HCN1: variants seen among roughly 807,000 people sequenced by gnomAD.
HCN1 encodes the protein potassium/sodium hyperpolarization-activated cyclic nucleotide-gated channel 1.
HCN1 carries 13 observed loss-of-function variants against 78.9 expected under a neutral mutation model. That is an observed-to-expected ratio of 0.16 (90% CI 0.11 to 0.26). HCN1 has a LOEUF of 0.26. Among genes scored for constraint, HCN1 ranks in the 10% least tolerant of loss-of-function variants. The pLI is 1.00. For missense variants in HCN1, 810 were observed against 1,154.3 expected (o/e 0.70, Z 4.32); for synonymous variants, 552 against 455.5 (o/e 1.21, Z -2.70).
intron 5 of HCN1, among the ~76,000 whole-genome samples, chr5:45,304,505 G>A (rs1745689855): frequency 6.6e-6 from 1 of 152,052 alleles, no homozygotes; most frequent in Non-Finnish European, 1.5e-5. Context: ...GTGAAACCCT[G>A]TCTCTACTAA....
intron 4 of HCN1, among the ~76,000 whole-genome samples, chr5:45,390,835 T>G (rs1292694069): frequency 6.6e-6 from 1 of 152,084 alleles, no homozygotes; most frequent in Non-Finnish European, 1.5e-5. Context: ...ATATAAAAAT[T>G]ATTTGCCCCA....
At chr5:45,453,636 C>A (rs1255686997) in intron 3 of HCN1, among the ~76,000 whole-genome samples, 1 of 151,960 alleles carries the variant, frequency 6.6e-6, no homozygotes, top group Non-Finnish European at 1.5e-5. Context: ...ATCCTTAATC[C>A]AAGGGGAAAT....
intron 2 of HCN1, among the ~76,000 whole-genome samples, chr5:45,527,722 A>T (rs928496344): frequency 6.6e-6 from 1 of 151,704 alleles, no homozygotes; most frequent in African/African-American, 2.4e-5. Context: ...TCACATTTTA[A>T]ACGTCTCTTT....
At chr5:45,462,091 G>A in intron 2 of HCN1, 84 bp from the exon 3 acceptor site, 1 of 1,007,944 alleles carries the variant, frequency 9.9e-7, no homozygotes, top group Non-Finnish European at 1.5e-6. Context: ...CATTGATGTT[G>A]TGTAGCGTAA....
At chr5:45,503,002 G>T (rs191062275) in intron 2 of HCN1, among the ~76,000 whole-genome samples, 357 of 152,232 alleles carry the variant, frequency 2.3e-3, no homozygotes, top group African/African-American at 8.1e-3. Context: ...CAACACAATA[G>T]TTAAAGTGAA....
chr5:45,278,107 T>A (rs187441599), intron 6 of HCN1, among the ~76,000 whole-genome samples: 2 of 152,258 alleles, frequency 1.3e-5, no homozygotes, highest in South Asian at 2.1e-4. Context: ...TGATCTTTAC[T>A]TTGTGTCATC....
chr5:45,358,110 T>G (rs759776665), intron 4 of HCN1, among the ~76,000 whole-genome samples: 2 of 152,086 alleles, frequency 1.3e-5, no homozygotes, highest in Non-Finnish European at 2.9e-5. Flanking sequence ...ATAACCTTTC[T>G]TCTTTATTAA....
chr5:45,396,354 G>T (rs188033520), intron 4 of HCN1, 138 bp downstream of exon 4: 219 of 732,022 alleles, frequency 3.0e-4, no homozygotes, highest in Non-Finnish European at 4.2e-4. Flanking sequence ...TATCAAAGAA[G>T]ATAGTGTGTT....
intron 2 of HCN1, among the ~76,000 whole-genome samples, chr5:45,565,435 T>A (rs1032588712): frequency 6.6e-6 from 1 of 152,172 alleles, no homozygotes. Context: ...CATTAAACAA[T>A]ATTTTAATGG....
chr5:45,537,258 TA>T (rs970771726), intron 2 of HCN1, among the ~76,000 whole-genome samples: 6 of 151,888 alleles, frequency 4.0e-5, no homozygotes, highest in Non-Finnish European at 8.8e-5. Context: ...CCTCAATTTT[TA>T]AAAAAAATAT....
At chr5:45,567,267 C>G (rs1743726932) in intron 2 of HCN1, among the ~76,000 whole-genome samples, 1 of 151,498 alleles carries the variant, frequency 6.6e-6, no homozygotes, top group African/African-American at 2.4e-5. Context: ...TATTTGACAC[C>G]TACCGTGTGC....
chr5:45,321,415 G>C (rs559822400), intron 5 of HCN1, among the ~76,000 whole-genome samples: 1 of 151,250 alleles, frequency 6.6e-6, no homozygotes, highest in South Asian at 2.1e-4. Flanking sequence ...TACAGAGCTA[G>C]AATATGTGTA....
intron 1 of HCN1, among the ~76,000 whole-genome samples, chr5:45,678,264 C>T (rs1004487967): frequency 1.3e-5 from 2 of 151,864 alleles, no homozygotes; most frequent in African/African-American, 2.4e-5. Context: ...TACAACGGTA[C>T]CATAGTTAAT....
chr5:45,417,444 C>T (rs1449078102), intron 3 of HCN1, among the ~76,000 whole-genome samples: 1 of 151,730 alleles, frequency 6.6e-6, no homozygotes, highest in Non-Finnish European at 1.5e-5. Flanking sequence ...TAGTATTTGA[C>T]CTTTAAATGC....
At chr5:45,468,112 A>C (rs1052470761) in intron 2 of HCN1, among the ~76,000 whole-genome samples, 4 of 152,160 alleles carry the variant, frequency 2.6e-5, no homozygotes, top group Non-Finnish European at 5.9e-5. Flanking sequence ...ATATATGAGG[A>C]AAATGTGAAG....
chr5:45,533,865 C>A (rs540353379), intron 2 of HCN1, among the ~76,000 whole-genome samples: 101 of 152,210 alleles, frequency 6.6e-4, no homozygotes, highest in Admixed American at 1.1e-3. Flanking sequence ...ACAAAGAGAC[C>A]TGACAATAGG....
chr5:45,535,902 A>C (rs1742959473), intron 2 of HCN1, among the ~76,000 whole-genome samples: 1 of 152,106 alleles, frequency 6.6e-6, no homozygotes. Flanking sequence ...TTAATGAAAA[A>C]ATCTCTCAGT....
intron 2 of HCN1, among the ~76,000 whole-genome samples, chr5:45,614,985 C>T (rs1217095908): frequency 1.4e-5 from 2 of 146,292 alleles, no homozygotes; most frequent in African/African-American, 5.0e-5. Flanking sequence ...AAAAAAAAAA[C>T]GTAATTCAAC....
chr5:45,607,266 A>G (rs1744742671), intron 2 of HCN1, among the ~76,000 whole-genome samples: 1 of 151,822 alleles, frequency 6.6e-6, no homozygotes, highest in African/African-American at 2.4e-5. Context: ...ATTTAATTTA[A>G]AAATACCTTT....
Sources: allele counts gnomAD v4.1 joint callset (sites outside exome capture counted in the v4.1 genomes callset), GRCh38; gene constraint gnomAD v4.1.1; transcripts MANE v1.5; gene names NCBI Gene and HGNC (gene_info 2026-07-23, HGNC 2026-07-21).